The following ARMH4 variants were observed in gnomAD, a reference collection of about 807,000 sequenced individuals.
The protein encoded by ARMH4 is armadillo like helical domain containing 4, also known as armadillo-like helical domain-containing protein 4.
ARMH4 carries 49 observed loss-of-function variants against 61.9 expected under a neutral mutation model. The observed-to-expected ratio is 0.79, with a 90% CI of 0.63 to 1.00. The LOEUF (loss-of-function observed/expected upper bound fraction) is 1.00, where lower values mean the gene tolerates loss of function less well. Ranked by LOEUF, ARMH4 falls within the 50% of genes least tolerant of loss-of-function variation. The pLI, the probability that ARMH4 is intolerant of heterozygous loss-of-function variation, is 0.00. For synonymous variants in ARMH4, 368 were observed against 341.5 expected (o/e 1.08, Z -0.85); for missense variants, 934 against 930.0 (o/e 1.00, Z -0.06).
chr14:58,040,880 A>G (rs11158195), intron 5 of ARMH4, among the ~76,000 whole-genome samples: 80,359 of 152,050 alleles, frequency 0.53, 21,438 homozygotes, highest in East Asian at 0.68. Context: ...TTTCTAAGGG[A>G]GAATGCCCTC....
At chr14:58,095,101 A>G (rs7152617) in intron 5 of ARMH4, among the ~76,000 whole-genome samples, 2 of 151,930 alleles carry the variant, frequency 1.3e-5, no homozygotes. Context: ...TAATTACTCA[A>G]AGATGGTAAG....
intron 4 of ARMH4, among the ~76,000 whole-genome samples, chr14:58,127,307 G>T (rs1306920873): frequency 6.6e-6 from 1 of 152,142 alleles, no homozygotes; most frequent in Non-Finnish European, 1.5e-5. Flanking sequence ...AATCATGGGG[G>T]TGGGTCTTTC....
intron 4 of ARMH4, among the ~76,000 whole-genome samples, chr14:58,129,596 G>C (rs867562135): frequency 6.6e-6 from 1 of 152,112 alleles, no homozygotes; most frequent in African/African-American, 2.4e-5. Context: ...TTATATTCCC[G>C]GGCAAGGTAG....
chr14:58,098,007 C>G (rs1885816733), intron 4 of ARMH4, among the ~76,000 whole-genome samples: 3 of 152,148 alleles, frequency 2.0e-5, no homozygotes, highest in African/African-American at 7.2e-5. Flanking sequence ...ACCTCTGAAG[C>G]CCCTGGTAAG....
At chr14:58,028,651 A>G (rs1225628222) in intron 5 of ARMH4, among the ~76,000 whole-genome samples, 1 of 152,166 alleles carries the variant, frequency 6.6e-6, no homozygotes, top group Non-Finnish European at 1.5e-5. Context: ...ACATCCCAGC[A>G]TTATGTTTGG....
At chr14:58,096,470 T>C (rs889548692) in intron 5 of ARMH4, among the ~76,000 whole-genome samples, 14 of 152,188 alleles carry the variant, frequency 9.2e-5, no homozygotes, top group African/African-American at 3.1e-4. Flanking sequence ...TGGAGACTGT[T>C]TGGAGCCTGG....
chr14:58,089,577 T>G (rs922257191), intron 5 of ARMH4, among the ~76,000 whole-genome samples: 2 of 152,206 alleles, frequency 1.3e-5, no homozygotes, highest in Non-Finnish European at 2.9e-5. Flanking sequence ...TAGCAGCTAA[T>G]GAACCTGATA....
At chr14:58,065,487 T>C (rs1467422923) in intron 5 of ARMH4, among the ~76,000 whole-genome samples, 1 of 152,262 alleles carries the variant, frequency 6.6e-6, no homozygotes, top group Non-Finnish European at 1.5e-5. Flanking sequence ...GTATACAGCA[T>C]ACCCTCGACA....
intron 4 of ARMH4, among the ~76,000 whole-genome samples, chr14:58,108,688 A>C (rs942553131): frequency 1.3e-5 from 2 of 152,138 alleles, no homozygotes; most frequent in African/African-American, 4.8e-5. Flanking sequence ...GCTGTTATGA[A>C]TAGTGCTGCT....
intron 5 of ARMH4, among the ~76,000 whole-genome samples, chr14:58,027,955 A>T (rs188022667): frequency 1.3e-5 from 2 of 152,312 alleles, no homozygotes; most frequent in Admixed American, 6.5e-5. Context: ...CTTAGGAAAA[A>T]ACCTAAAGGT....
intron 4 of ARMH4, among the ~76,000 whole-genome samples, chr14:58,130,535 T>C (rs1166800826): frequency 1.3e-5 from 2 of 152,234 alleles, no homozygotes; most frequent in African/African-American, 4.8e-5. Context: ...TCTCTGGACA[T>C]TTTGTATCTC....
intron 5 of ARMH4, among the ~76,000 whole-genome samples, chr14:58,034,094 A>C (rs1166434117): frequency 7.6e-6 from 1 of 130,754 alleles, no homozygotes; most frequent in Admixed American, 7.4e-5. Context: ...TCCAAGACAC[A>C]TAATTGTCAG....
chr14:58,125,549 T>C (rs1038092704), intron 4 of ARMH4, among the ~76,000 whole-genome samples: 4 of 152,202 alleles, frequency 2.6e-5, no homozygotes, highest in African/African-American at 9.6e-5. Flanking sequence ...AATCTCCTTG[T>C]TAAGTTTGTC....
chr14:58,148,802 T>C (rs1267753767), intron 1 of ARMH4, among the ~76,000 whole-genome samples: 2 of 151,994 alleles, frequency 1.3e-5, no homozygotes, highest in African/African-American at 4.8e-5. Flanking sequence ...AACAATAACT[T>C]ATGTGTTCTC....
At chr14:58,088,437 A>T (rs1376864495) in intron 5 of ARMH4, among the ~76,000 whole-genome samples, 2 of 151,536 alleles carry the variant, frequency 1.3e-5, no homozygotes, top group East Asian at 3.9e-4. Flanking sequence ...CTCTAGCACC[A>T]GGGTGTCTTA....
intron 5 of ARMH4, among the ~76,000 whole-genome samples, chr14:58,045,416 A>G (rs1433981332): frequency 1.3e-5 from 2 of 152,168 alleles, no homozygotes; most frequent in African/African-American, 4.8e-5. Flanking sequence ...GAACAATGAG[A>G]ACACCTGGAC....
At chr14:58,151,406 G>T (rs1887914580) in intron 1 of ARMH4, among the ~76,000 whole-genome samples, 1 of 152,112 alleles carries the variant, frequency 6.6e-6, no homozygotes, top group African/African-American at 2.4e-5. Flanking sequence ...GCAGAGCCTC[G>T]CCTCCCCCAG....
At chr14:58,009,819 AAAAAAAAAAG>A (rs1481254878) in intron 6 of ARMH4, among the ~76,000 whole-genome samples, 2 of 144,668 alleles carry the variant, frequency 1.4e-5, no homozygotes, top group East Asian at 2.3e-4. Context: ...AAAAAAAAAA[AAAAAAAAAAG>A]AGAGAGAGAG....
chr14:58,074,729 T>A (rs1282728102), intron 5 of ARMH4, among the ~76,000 whole-genome samples: 1 of 152,094 alleles, frequency 6.6e-6, no homozygotes, highest in African/African-American at 2.4e-5. Flanking sequence ...AAGTAACATG[T>A]AGTAAAATAA....
Sources: gnomAD v4.1 joint callset for allele counts (sites outside exome capture counted in the v4.1 genomes callset) on GRCh38, gnomAD v4.1.1 for gene constraint, MANE v1.5 for transcripts, NCBI Gene and HGNC (gene_info 2026-07-23, HGNC 2026-07-21) for gene names.